TBC1D32: variants seen among roughly 807,000 people sequenced by gnomAD.
The protein encoded by TBC1D32 is protein broad-minded.
TBC1D32 carries 151 observed loss-of-function variants against 170.3 expected under a neutral mutation model. The observed-to-expected ratio is 0.89, with a 90% CI of 0.78 to 1.01. TBC1D32 has a LOEUF of 1.01. TBC1D32 is among the 50% of genes least tolerant of loss of function. The probability of loss-of-function intolerance (pLI) is 0.00; values close to 1 mark genes in which losing one functional copy is unlikely to be tolerated. For missense variants in TBC1D32, 1,464 were observed against 1,457.1 expected (o/e 1.00, Z -0.08); for synonymous variants, 498 against 488.0 (o/e 1.02, Z -0.27).
At chr6:121,205,301 G>C (rs9320795) in intron 21 of TBC1D32, 138 bp from the exon 22 acceptor site, 418,919 of 459,174 alleles carry the variant, frequency 0.91, 191,897 homozygotes, top group East Asian at 0.98. Context: ...TAAATAATAA[G>C]AAGAAGAAGA....
At chr6:121,176,085 G>C (rs1013848948) in intron 22 of TBC1D32, among the ~76,000 whole-genome samples, 1 of 152,032 alleles carries the variant, frequency 6.6e-6, no homozygotes, top group African/African-American at 2.4e-5. Flanking sequence ...TAGGGGAAGG[G>C]AACAACGAAC....
intron 22 of TBC1D32, among the ~76,000 whole-genome samples, chr6:121,178,626 A>AT (rs1179591703): frequency 6.6e-6 from 1 of 152,126 alleles, no homozygotes; most frequent in Non-Finnish European, 1.5e-5. Flanking sequence ...TTCTTGTGTG[A>AT]TCCCCTTTTC....
Position 121,270,874 on chromosome 6 carries a change from C to CA in TBC1D32, c.1733+8246dup, listed in dbSNP as rs1364904500. On this transcript the variant is annotated intron_variant, in intron 15 of 31. Coordinates refer to ENST00000398212, the MANE Select transcript of TBC1D32 (RefSeq NM_152730.6). ...GCAAAAATCCTCAATAAAATACTGG[C>CA]AAACCGAATCCAGCAGCACATCAAA... Among the ~76,000 whole-genome samples, 48 of 152,236 alleles carry CA rather than the reference C, an allele frequency of 3.2e-4. 1 individual carries two copies. Among genetic ancestry groups the CA allele is most frequent in the African/African-American group, 1.2e-3 (48 of 41,528 alleles).
At chr6:121,293,070 G>A (rs1193065523) in intron 11 of TBC1D32, among the ~76,000 whole-genome samples, 1 of 151,814 alleles carries the variant, frequency 6.6e-6, no homozygotes, top group African/African-American at 2.4e-5. Context: ...TTGACCTAAA[G>A]TTGGGCAACT....
chr6:121,102,342 T>A (rs1466285713), intron 30 of TBC1D32, among the ~76,000 whole-genome samples: 1 of 152,066 alleles, frequency 6.6e-6, no homozygotes, highest in South Asian at 2.1e-4. Flanking sequence ...CAAACTATAC[T>A]ACAAGGCTAC....
In TBC1D32 at chr6:121,080,162, A is replaced by G. The variant is rs1297033817; in HGVS notation, c.*609T>C. On this transcript the variant is annotated 3_prime_UTR_variant, in exon 32 of 32. Coordinates refer to ENST00000398212, the MANE Select transcript of TBC1D32 (RefSeq NM_152730.6). ...TTACACTATTACTTCTCCTTTCCAA[A>G]TTCACTGGAAACAATATTTAAATCA... The G allele has an allele frequency of 1.3e-5, 2 of 152,218 alleles. No homozygotes were observed. Among genetic ancestry groups the G allele is most frequent in the African/African-American group, 2.4e-5 (1 of 41,000 alleles). 9.4% of individuals were successfully genotyped at this position (152,218 alleles called of 1,614,324 possible).
intron 21 of TBC1D32, among the ~76,000 whole-genome samples, chr6:121,217,055 A>G (rs937443990): frequency 2.0e-5 from 3 of 152,218 alleles, no homozygotes; most frequent in African/African-American, 7.2e-5. Flanking sequence ...GATTCCTAAC[A>G]CAGCCCCATT....
chr6:121,209,436 T>C (rs1256005170), intron 21 of TBC1D32, among the ~76,000 whole-genome samples: 4 of 152,198 alleles, frequency 2.6e-5, no homozygotes, highest in South Asian at 2.1e-4. Context: ...GATTTAATCA[T>C]CTTGTATAAC....
At chr6:121,175,119 T>C (rs1287382062) in intron 22 of TBC1D32, among the ~76,000 whole-genome samples, 1 of 152,122 alleles carries the variant, frequency 6.6e-6, no homozygotes, top group Non-Finnish European at 1.5e-5. Flanking sequence ...GGTGTTTAGT[T>C]TGAACAATAG....
intron 15 of TBC1D32, among the ~76,000 whole-genome samples, chr6:121,274,441 GA>G (rs1801957970): frequency 6.9e-6 from 1 of 144,502 alleles, no homozygotes; most frequent in Non-Finnish European, 1.5e-5. Flanking sequence ...AAAATTCCCA[GA>G]AAAAAAGATT....
At chr6:121,121,345 A>G (rs1004940304) in intron 26 of TBC1D32, among the ~76,000 whole-genome samples, 1 of 152,022 alleles carries the variant, frequency 6.6e-6, no homozygotes, top group African/African-American at 2.4e-5. Context: ...TGGGCAGTTA[A>G]TGGTAATAAG....
chr6:121,289,980 C>T (rs1804568106), intron 12 of TBC1D32, among the ~76,000 whole-genome samples: 1 of 152,258 alleles, frequency 6.6e-6, no homozygotes, highest in South Asian at 2.1e-4. Flanking sequence ...CTTCCTTACA[C>T]CTTATACAAA....
At chr6:121,256,737 C>T (rs914937432) in intron 15 of TBC1D32, among the ~76,000 whole-genome samples, 9 of 150,504 alleles carry the variant, frequency 6.0e-5, no homozygotes, top group African/African-American at 2.0e-4. Flanking sequence ...AGTGCAATGG[C>T]GCGGTCTTGG....
rs955813409 is a variant in TBC1D32, at chr6:121,107,326, C to T, written c.3325-1163G>A. On this transcript the variant is annotated intron_variant, in intron 29 of 31. Coordinates refer to ENST00000398212, the MANE Select transcript of TBC1D32 (RefSeq NM_152730.6). ...AGCAAGTTGATTTACAGTGGTTTTT[C>T]GGTTTTATCATTCATCATAAATGAC... 2.9e-4 allele frequency among the ~76,000 whole-genome samples: 44 copies of T among 151,710 alleles called. 1 individual carries two copies. The highest frequency in any genetic ancestry group is 3.7e-4 in the Non-Finnish European group (25 of 67,772).
intron 31 of TBC1D32, among the ~76,000 whole-genome samples, chr6:121,087,792 C>T (rs1239454078): frequency 6.6e-5 from 10 of 152,062 alleles, no homozygotes; most frequent in Non-Finnish European, 1.2e-4. Context: ...ATAAAGCCCA[C>T]ATAAATATTT....
chr6:121,087,198 T>C lies in TBC1D32; in HGVS notation c.3654+3655A>G, dbSNP rs577624236. On this transcript the variant is annotated intron_variant, in intron 31 of 31. Coordinates refer to ENST00000398212, the MANE Select transcript of TBC1D32 (RefSeq NM_152730.6). ...ACAATGTTTTGTTGATATCAACTTA[T>C]ACCCAAGGCGTTCATCTAATCTTTC... Among the ~76,000 whole-genome samples the C allele has an allele frequency of 3.3e-5, 5 of 152,340 alleles. No homozygotes were observed. The South Asian group carries it at 6.2e-4, about 19-fold the overall frequency.
intron 17 of TBC1D32, among the ~76,000 whole-genome samples, chr6:121,254,587 C>A (rs1207491870): frequency 1.3e-5 from 2 of 149,048 alleles, no homozygotes; most frequent in Admixed American, 1.3e-4. Context: ...TTTGTTGAAC[C>A]ATTATACTGT....
Position 121,173,847 on chromosome 6 carries a change from T to C in TBC1D32, c.2571-12791A>G, listed in dbSNP as rs556285553. Among the ~76,000 whole-genome samples, 17 of 150,976 alleles carry C rather than the reference T, an allele frequency of 1.1e-4. No individual in the cohort carries two copies. The South Asian group carries it at 3.5e-3, about 32-fold the overall frequency. ...TAGCTTCTCTTAAGCATAAGCCTCC[T>C]ACAAACAGCTGCTGTGAAAAAGCTC... is the stretch of plus-strand genomic sequence containing the variant. On this transcript the variant is annotated intron_variant, in intron 22 of 31. Transcript: ENST00000398212.
chr6:121,158,355 C>A (rs745924548), intron 24 of TBC1D32, among the ~76,000 whole-genome samples: 39 of 152,066 alleles, frequency 2.6e-4, no homozygotes, highest in Non-Finnish European at 1.9e-4. Context: ...TCCAGAGGTT[C>A]AGTTTAGTTC....
Sources: allele counts gnomAD v4.1 joint callset (sites outside exome capture counted in the v4.1 genomes callset), GRCh38; gene constraint gnomAD v4.1.1; transcripts MANE v1.5; gene names NCBI Gene and HGNC (gene_info 2026-07-23, HGNC 2026-07-21).